Variants in NALF1 observed in about 807,000 individuals in gnomAD.
NALF1 encodes NALCN channel auxiliary factor 1.
A neutral mutation model predicts 48.4 loss-of-function variants in NALF1; 3 were observed. The ratio of observed to expected loss-of-function variants is 0.06; its 90% CI spans 0.03 to 0.16. The LOEUF (loss-of-function observed/expected upper bound fraction) is 0.16. Ranked by LOEUF, NALF1 falls within the 10% of genes least tolerant of loss-of-function variation. The pLI is 1.00. For missense variants in NALF1, 526 were observed against 571.5 expected (o/e 0.92, Z 0.81); for synonymous variants, 262 against 245.7 (o/e 1.07, Z -0.62).
At chr13:107,631,289 C>T (rs1399226077) in intron 1 of NALF1, among the ~76,000 whole-genome samples, 1 of 152,128 alleles carries the variant, frequency 6.6e-6, no homozygotes, top group Non-Finnish European at 1.5e-5. Flanking sequence ...GGGTTGAAGA[C>T]CTGCTTGCTA....
At chr13:107,244,752 A>AGAAACCATTTTACACATTGTAAAAC (rs1880545598) in intron 1 of NALF1, among the ~76,000 whole-genome samples, 2 of 152,218 alleles carry the variant, frequency 1.3e-5, no homozygotes, top group African/African-American at 4.8e-5. Context: ...TTGGTATATG[A>AGAAACCATTTTACACATTGTAAAAC]GAAACCATTT....
intron 2 of NALF1, among the ~76,000 whole-genome samples, chr13:107,200,369 G>A (rs111629269): frequency 6.4e-4 from 97 of 152,260 alleles, no homozygotes; most frequent in African/African-American, 2.1e-3. Flanking sequence ...GAATGAGCTC[G>A]GGGGGCGGTG....
intron 1 of NALF1, among the ~76,000 whole-genome samples, chr13:107,545,002 C>A (rs1314013167): frequency 2.6e-5 from 4 of 152,114 alleles, no homozygotes; most frequent in Non-Finnish European, 5.9e-5. Context: ...AAGGAACACA[C>A]ACAGTTTTGT....
At chr13:107,202,771 C>T (rs542463725) in intron 2 of NALF1, among the ~76,000 whole-genome samples, 4 of 152,154 alleles carry the variant, frequency 2.6e-5, no homozygotes, top group South Asian at 2.1e-4. Context: ...GATCACCTTC[C>T]GTTAACCTAC....
chr13:107,479,354 GTTTTAC>G (rs1187621491), intron 1 of NALF1, among the ~76,000 whole-genome samples: 1 of 151,976 alleles, frequency 6.6e-6, no homozygotes, highest in Non-Finnish European at 1.5e-5. Context: ...GTATCTCTTT[GTTTTAC>G]TTTTACAATG....
chr13:107,524,432 A>C (rs868148264), intron 1 of NALF1, among the ~76,000 whole-genome samples: 1 of 152,114 alleles, frequency 6.6e-6, no homozygotes, highest in Non-Finnish European at 1.5e-5. Context: ...GGAAGATGAC[A>C]TTTCTAGGTT....
chr13:107,730,278 CT>C (rs1476292190), intron 1 of NALF1, among the ~76,000 whole-genome samples: 1 of 152,188 alleles, frequency 6.6e-6, no homozygotes, highest in Non-Finnish European at 1.5e-5. Flanking sequence ...ATTTCCCACA[CT>C]TTGCATATCA....
At position 107,512,691 on chromosome 13, in the gene NALF1, C is replaced by A. The variant is rs191484777; in HGVS notation, c.916-301936G>T. On this transcript the variant is annotated intron_variant, in intron 1 of 2. Transcript: ENST00000375915. Reference sequence around the variant, plus strand: ...CCGCAGATTGAGGGGCAGTTTTTGCCGAAATTTCTAGGGAAAGGGGCAGTC... The same window carrying A: ...CCGCAGATTGAGGGGCAGTTTTTGCAGAAATTTCTAGGGAAAGGGGCAGTC... 7.2e-5 allele frequency among the ~76,000 whole-genome samples: 11 copies of A among 152,126 alleles called. No homozygotes were observed. The East Asian group carries it at 1.9e-3, about 27-fold the overall frequency.
At chr13:107,476,135 T>C (rs1020547792) in intron 1 of NALF1, among the ~76,000 whole-genome samples, 5 of 152,202 alleles carry the variant, frequency 3.3e-5, no homozygotes, top group Admixed American at 3.3e-4. Flanking sequence ...TTAGAATTCA[T>C]GTAATTCCTT....
At chr13:107,758,102 T>A (rs1183282811) in intron 1 of NALF1, among the ~76,000 whole-genome samples, 1 of 152,168 alleles carries the variant, frequency 6.6e-6, no homozygotes, top group Non-Finnish European at 1.5e-5. Flanking sequence ...TCAAAATATA[T>A]CTCCTCTATT....
chr13:107,277,979 A>AT (rs1323678859), intron 1 of NALF1, among the ~76,000 whole-genome samples: 2 of 152,176 alleles, frequency 1.3e-5, no homozygotes, highest in African/African-American at 4.8e-5. Context: ...TGCTGCTTTA[A>AT]TAATTAAGAG....
intron 1 of NALF1, among the ~76,000 whole-genome samples, chr13:107,475,821 C>A (rs781601337): frequency 6.6e-6 from 1 of 151,996 alleles, no homozygotes; most frequent in African/African-American, 2.4e-5. Flanking sequence ...GTTGTTCAAC[C>A]AATACTATGT....
intron 1 of NALF1, among the ~76,000 whole-genome samples, chr13:107,238,375 C>T (rs573925431): frequency 3.5e-4 from 53 of 152,226 alleles, no homozygotes; most frequent in African/African-American, 1.2e-3. Context: ...ATGAGTAGCA[C>T]GGCTTTTTGT....
At chr13:107,782,243 C>T (rs1045741917) in intron 1 of NALF1, among the ~76,000 whole-genome samples, 2 of 152,302 alleles carry the variant, frequency 1.3e-5, no homozygotes, top group East Asian at 1.9e-4. Flanking sequence ...TTGGTGGAGA[C>T]GGGGTTTCGC....
At chr13:107,632,896 T>C (rs1171628015) in intron 1 of NALF1, among the ~76,000 whole-genome samples, 2 of 132,760 alleles carry the variant, frequency 1.5e-5, no homozygotes, top group Non-Finnish European at 3.2e-5. Context: ...GAAATTTTTA[T>C]AACAAGCCTC....
chr13:107,849,272 T>C (rs1201764809), intron 1 of NALF1, among the ~76,000 whole-genome samples: 2 of 152,216 alleles, frequency 1.3e-5, no homozygotes, highest in Non-Finnish European at 2.9e-5. Flanking sequence ...CCTGCCTAGG[T>C]GACTTGTCAG....
intron 1 of NALF1, among the ~76,000 whole-genome samples, chr13:107,425,073 G>A (rs1332466789): frequency 2.6e-5 from 4 of 152,144 alleles, no homozygotes; most frequent in Non-Finnish European, 5.9e-5. Context: ...AATGAAAGTC[G>A]TATTTTGCTC....
chr13:107,622,570 G>A (rs1879554710), intron 1 of NALF1, among the ~76,000 whole-genome samples: 1 of 151,980 alleles, frequency 6.6e-6, no homozygotes, highest in Non-Finnish European at 1.5e-5. Flanking sequence ...TTAACAGAGA[G>A]GTAAGCTACT....
rs560048665 is a variant in NALF1, at chr13:107,489,179, C to T, written c.916-278424G>A. Among the ~76,000 whole-genome samples, 10 of 152,216 alleles carry T rather than the reference C, an allele frequency of 6.6e-5. No individual in the cohort carries two copies. In the East Asian group the frequency reaches 1.2e-3, roughly 18 times the overall value. ...ATTCCATGCTCATGGATAGAAGAATCGATATCATTAAAATAGTCATACTGC... is the reference window on the plus strand; with the variant it reads ...ATTCCATGCTCATGGATAGAAGAATTGATATCATTAAAATAGTCATACTGC... On this transcript the variant is annotated intron_variant, in intron 1 of 2. Coordinates refer to ENST00000375915, the MANE Select transcript of NALF1 (RefSeq NM_001080396.3).
Sources: allele counts gnomAD v4.1 joint callset (sites outside exome capture counted in the v4.1 genomes callset), GRCh38; gene constraint gnomAD v4.1.1; transcripts MANE v1.5; gene names NCBI Gene and HGNC (gene_info 2026-07-23, HGNC 2026-07-21).